The following AKAP9 variants were observed in gnomAD, a reference collection of about 807,000 sequenced individuals.
AKAP9 encodes the protein A-kinase anchoring protein 9.
In AKAP9, 311 loss-of-function variants were observed where a neutral mutation model predicts 488.5. That is an observed-to-expected ratio of 0.64 (90% confidence interval 0.58 to 0.70). The LOEUF is 0.70. Ranked by LOEUF, AKAP9 falls within the 30% of genes least tolerant of loss-of-function variation. The pLI is 0.00. For missense variants in AKAP9, 4,215 were observed against 4,374.5 expected (o/e 0.96, Z 1.03); for synonymous variants, 1,462 against 1,483.5 (o/e 0.99, Z 0.33).
chr7:92,026,616 G>A (rs1803196783), intron 14 of AKAP9, among the ~76,000 whole-genome samples: 1 of 152,184 alleles, frequency 6.6e-6, no homozygotes, highest in Non-Finnish European at 1.5e-5. Flanking sequence ...ATTGCAGACG[G>A]AGTCTCGCTC....
At position 92,083,214 on chromosome 7, in the gene AKAP9, A is replaced by C. The variant is rs780002980; in HGVS notation, c.8205A>C (p.Gln2735His). The C allele has an allele frequency of 6.2e-7, 1 of 1,614,012 alleles. No homozygotes were observed. Among genetic ancestry groups the C allele is most frequent in the African/African-American group, 1.3e-5 (1 of 74,934 alleles). ...CATCTCTTCAGAAAGACTTAAGCCA[A>C]GTTAGGGATCACCTCGCAGAGGCAA... ...NMTSLQKDLS[Q>H]VRDHLAEAKE... The change falls in exon 33 of 50, where the codon CAA becomes CAC. Residue 2735 changes from glutamine to histidine, a missense_variant. Gln to His is a conservative substitution (Grantham distance 24, BLOSUM62 0). Transcript: ENST00000356239.
chr7:92,005,081 G>T (rs1479774100), intron 8 of AKAP9, among the ~76,000 whole-genome samples: 1 of 152,076 alleles, frequency 6.6e-6, no homozygotes, highest in Non-Finnish European at 1.5e-5. Context: ...ATAATCATGT[G>T]GTTTTTGTCT....
At chr7:92,092,251 G>T (rs1321762998) in intron 38 of AKAP9, 2 of 152,162 alleles carry the variant, frequency 1.3e-5, no homozygotes, top group Non-Finnish European at 2.9e-5. Flanking sequence ...TGTAGTAAGG[G>T]TTTGGTTGGC....
intron 3 of AKAP9, among the ~76,000 whole-genome samples, chr7:91,983,686 A>G (rs1370962346): frequency 2.6e-5 from 4 of 152,160 alleles, no homozygotes; most frequent in African/African-American, 7.2e-5. Flanking sequence ...GTATTTTTGT[A>G]TTTTTGTTAG....
intron 4 of AKAP9, 58 bp downstream of exon 4, chr7:91,992,269 GCTTA>G (rs1797847034): frequency 7.6e-7 from 1 of 1,322,046 alleles, no homozygotes; most frequent in African/African-American, 1.4e-5. Flanking sequence ...AAATCATCTG[GCTTA>G]CTAACAAAAC....
At chr7:91,943,953 A>G (rs1791107525) in intron 1 of AKAP9, among the ~76,000 whole-genome samples, 1 of 152,186 alleles carries the variant, frequency 6.6e-6, no homozygotes. Flanking sequence ...CACAACTTAC[A>G]AATCTTTTTG....
intron 24 of AKAP9, among the ~76,000 whole-genome samples, chr7:92,063,980 C>T (rs1429839007): frequency 6.6e-6 from 1 of 152,128 alleles, no homozygotes; most frequent in Non-Finnish European, 1.5e-5. Flanking sequence ...TGGGGTTTCA[C>T]CATGTTGGCC....
At chr7:92,102,919 C>CT in intron 46 of AKAP9, 93 bp downstream of exon 46, 2 of 1,128,574 alleles carry the variant, frequency 1.8e-6, no homozygotes, top group Non-Finnish European at 2.6e-6. Context: ...TGGTTATACT[C>CT]TATATTTATA....
At position 92,085,446 on chromosome 7, in the gene AKAP9, G is replaced by A. The variant is rs199665303; in HGVS notation, c.8833-49G>A. ...TTCTGTTTGTAAGTCTAATTTTTCA[G>A]TCTGTGAAGAAGTTGTCATAATTCT... is the stretch of plus-strand genomic sequence containing the variant. On this transcript the variant is annotated intron_variant, in intron 35 of 49. Coordinates refer to ENST00000356239, the MANE Select transcript of AKAP9 (RefSeq NM_005751.5). 6.3e-4 allele frequency: 966 copies of A among 1,537,684 alleles called. 1 individual carries two copies. Among genetic ancestry groups the A allele is most frequent in the Middle Eastern group, 1.0e-3 (6 of 5,906 alleles).
chr7:92,078,875 T>G (rs968763788), intron 30 of AKAP9, among the ~76,000 whole-genome samples: 6 of 152,184 alleles, frequency 3.9e-5, no homozygotes, highest in Non-Finnish European at 7.3e-5. Context: ...TTATATTACT[T>G]TATACTTAAC....
intron 3 of AKAP9, among the ~76,000 whole-genome samples, chr7:91,985,319 A>G (rs1021996805): frequency 2.0e-5 from 3 of 152,220 alleles, no homozygotes; most frequent in Admixed American, 2.0e-4. Context: ...AGTTTTTAGC[A>G]TGAAAGGCTG....
At chr7:92,068,856 T>C (rs1203806190) in intron 26 of AKAP9, among the ~76,000 whole-genome samples, 2 of 152,192 alleles carry the variant, frequency 1.3e-5, no homozygotes, top group Admixed American at 6.5e-5. Flanking sequence ...TTTAGATAAT[T>C]TCCTCAGAAT....
rs774421854 is a variant in AKAP9, at chr7:92,079,523, G to C, written c.7390G>C (p.Glu2464Gln). The change falls in exon 31 of 50, where the codon GAA becomes CAA. Residue 2464 changes from glutamate to glutamine, a missense_variant. Physicochemically the swap from Glu to Gln is conservative, Grantham distance 29 (BLOSUM62 2). Around this residue, in one of 5 missense-constraint regions of AKAP9, gnomAD observed 1,476 missense variants for 1,477.4 expected, o/e 1.00. Coordinates refer to ENST00000356239, the MANE Select transcript of AKAP9 (RefSeq NM_005751.5). ...AGATCATCTGAGCAAAGACAAACCT[G>C]AACTAGAAGTAGTCCTTACAGAGGA... ...AIDHLSKDKP[E>Q]LEVVLTEDAL... 1 of 1,613,840 alleles carries C rather than the reference G, an allele frequency of 6.2e-7. No homozygotes were observed. Among genetic ancestry groups the C allele is most frequent in the Non-Finnish European group, 8.5e-7 (1 of 1,179,994 alleles).
chr7:91,953,546 G>A (rs1476393149), intron 1 of AKAP9, among the ~76,000 whole-genome samples: 1 of 152,104 alleles, frequency 6.6e-6, no homozygotes, highest in Non-Finnish European at 1.5e-5. Flanking sequence ...GTTGTTGTGA[G>A]GATTCACTAA....
At chr7:91,943,540 A>C (rs1369807920) in intron 1 of AKAP9, among the ~76,000 whole-genome samples, 1 of 152,228 alleles carries the variant, frequency 6.6e-6, no homozygotes, top group African/African-American at 2.4e-5. Context: ...ACTCTGGGTG[A>C]TAAGTACAAA....
In AKAP9 at chr7:92,008,321, C is replaced by T. The variant is rs577312364; in HGVS notation, c.3319-4108C>T. ...GGCAGAGGTTGCAGTGAGCCGAGAT[C>T]GCGCCACTGCACTCCAGCCTAGGCG... On this transcript the variant is annotated intron_variant, in intron 8 of 49. Coordinates refer to ENST00000356239, the MANE Select transcript of AKAP9 (RefSeq NM_005751.5). 5.3e-5 allele frequency among the ~76,000 whole-genome samples: 8 copies of T among 151,804 alleles called. No individual in the cohort carries two copies. In the South Asian group the frequency reaches 1.0e-3, roughly 20 times the overall value.
At chr7:92,064,516 T>C (rs1304863476) in intron 24 of AKAP9, among the ~76,000 whole-genome samples, 1 of 152,122 alleles carries the variant, frequency 6.6e-6, no homozygotes, top group Non-Finnish European at 1.5e-5. Context: ...TTATTCTCAG[T>C]TTACATATAA....
At chr7:92,045,256 C>A in intron 21 of AKAP9, 43 bp downstream of exon 21, 1 of 1,576,792 alleles carries the variant, frequency 6.3e-7, no homozygotes, top group South Asian at 1.1e-5. Flanking sequence ...TTCAACAAAT[C>A]TGCTGAGTTC....
chr7:92,092,483 G>A (rs1040317967), intron 38 of AKAP9: 1 of 150,200 alleles, frequency 6.7e-6, no homozygotes, highest in African/African-American at 2.5e-5. Flanking sequence ...AATTCTGAAT[G>A]TACAAATATG....
Sources: gnomAD v4.1 joint callset for allele counts (sites outside exome capture counted in the v4.1 genomes callset) on GRCh38, gnomAD v4.1.1 for gene constraint, gnomAD v4.1.1 regional missense constraint, MANE v1.5 for transcripts, NCBI Gene and HGNC (gene_info 2026-07-23, HGNC 2026-07-21) for gene names.